The following PRKN variants were observed in gnomAD, a reference collection of about 807,000 sequenced individuals.
PRKN encodes the protein E3 ubiquitin-protein ligase parkin.
Under a neutral mutation model 59.5 loss-of-function variants are expected in PRKN, and 56 were observed. That is an observed-to-expected ratio of 0.94 (90% CI 0.76 to 1.18). The LOEUF (loss-of-function observed/expected upper bound fraction) is 1.18. Among genes scored for constraint, PRKN ranks in the 50% most tolerant of loss-of-function variants. The pLI is 0.00. For missense variants in PRKN, 657 were observed against 596.4 expected, an observed-to-expected ratio of 1.10 and a Z score of -1.06; for synonymous variants, 250 against 222.1, an observed-to-expected ratio of 1.13 and a Z score of -1.12.
chr6:162,249,654 G>C (rs940647777), intron 3 of PRKN, among the ~76,000 whole-genome samples: 1 of 151,594 alleles, frequency 6.6e-6, no homozygotes, highest in Non-Finnish European at 1.5e-5. Flanking sequence ...TCAAATCTAA[G>C]ATTCCTTAAA....
intron 2 of PRKN, among the ~76,000 whole-genome samples, chr6:162,294,941 T>G (rs1313765781): frequency 6.6e-6 from 1 of 152,196 alleles, no homozygotes; most frequent in Non-Finnish European, 1.5e-5. Context: ...GGATCTGGGT[T>G]GTGCTTCCTC....
At chr6:161,897,946 G>A (rs936218002) in intron 6 of PRKN, among the ~76,000 whole-genome samples, 19 of 51,120 alleles carry the variant, frequency 3.7e-4, no homozygotes, top group African/African-American at 8.3e-4. Flanking sequence ...CAGCCTGGGT[G>A]ACAGAGCGAG....
chr6:161,707,249 T>C (rs536296101), intron 7 of PRKN, among the ~76,000 whole-genome samples: 1 of 150,954 alleles, frequency 6.6e-6, no homozygotes, highest in African/African-American at 2.4e-5. Flanking sequence ...GGAAGGTTGG[T>C]TACATTTAAT....
chr6:162,634,867 C>T (rs1005344860), intron 1 of PRKN, among the ~76,000 whole-genome samples: 9 of 152,166 alleles, frequency 5.9e-5, no homozygotes, highest in East Asian at 1.9e-4. Flanking sequence ...CATGATCCAT[C>T]GGCCCCGGCC....
At chr6:161,997,229 C>T (rs765598309) in intron 5 of PRKN, among the ~76,000 whole-genome samples, 18 of 151,838 alleles carry the variant, frequency 1.2e-4, no homozygotes, top group South Asian at 2.1e-4. Flanking sequence ...GTGACTTCTG[C>T]GAAAAAATTT....
At chr6:161,979,016 C>T (rs548768367) in intron 5 of PRKN, among the ~76,000 whole-genome samples, 63 of 152,246 alleles carry the variant, frequency 4.1e-4, no homozygotes, top group African/African-American at 1.3e-3. Flanking sequence ...ACAGATAAAT[C>T]AGCTACAGAA....
chr6:162,715,970 G>A (rs1778704906), intron 1 of PRKN, among the ~76,000 whole-genome samples: 1 of 152,180 alleles, frequency 6.6e-6, no homozygotes, highest in Non-Finnish European at 1.5e-5. Flanking sequence ...ATCACACAAT[G>A]AAGCGTACCT....
chr6:162,065,554 CT>C (rs76912779), intron 4 of PRKN, among the ~76,000 whole-genome samples: 2,627 of 142,480 alleles, frequency 0.018, 14 homozygotes, highest in Middle Eastern at 0.04. Context: ...TTTTCTTTTT[CT>C]TTTTTTTTTT....
intron 5 of PRKN, among the ~76,000 whole-genome samples, chr6:161,980,856 T>C (rs966812814): frequency 6.6e-6 from 1 of 152,208 alleles, no homozygotes; most frequent in Non-Finnish European, 1.5e-5. Flanking sequence ...ATCAAAATTC[T>C]CCAAGTGTCA....
intron 3 of PRKN, among the ~76,000 whole-genome samples, chr6:162,245,656 G>A (rs898112986): frequency 2.0e-5 from 3 of 152,134 alleles, no homozygotes; most frequent in African/African-American, 7.2e-5. Flanking sequence ...AATAGTTCCT[G>A]AAGTCAGACA....
At chr6:162,024,194 CTTTTTTT>C (rs111595639) in intron 5 of PRKN, among the ~76,000 whole-genome samples, 14 of 82,064 alleles carry the variant, frequency 1.7e-4, no homozygotes, top group Admixed American at 5.7e-4. Context: ...TCCCCCAACC[CTTTTTTT>C]TTTTTTTTTT....
intron 2 of PRKN, among the ~76,000 whole-genome samples, chr6:162,439,486 T>A (rs774452283): frequency 6.6e-5 from 10 of 152,040 alleles, no homozygotes; most frequent in Non-Finnish European, 1.5e-4. Context: ...AAAAGAAAAC[T>A]CAAGAAATTC....
intron 1 of PRKN, among the ~76,000 whole-genome samples, chr6:162,478,649 G>T (rs1338461489): frequency 6.6e-6 from 1 of 152,146 alleles, no homozygotes; most frequent in Admixed American, 6.5e-5. Context: ...TGCGTTGTTA[G>T]GGGATTTTGT....
chr6:161,731,591 G>T (rs1300257840), intron 7 of PRKN, among the ~76,000 whole-genome samples: 2 of 152,176 alleles, frequency 1.3e-5, no homozygotes, highest in South Asian at 2.1e-4. Context: ...TCTAATAAAA[G>T]TTGTAAAGGC....
At chr6:162,695,370 A>C (rs774082056) in intron 1 of PRKN, among the ~76,000 whole-genome samples, 57 of 152,268 alleles carry the variant, frequency 3.7e-4, no homozygotes, top group Middle Eastern at 3.4e-3. Flanking sequence ...ATCATTAAGA[A>C]AATCTAAAAT....
intron 2 of PRKN, 37 bp from the exon 3 acceptor site, chr6:162,262,802 A>C: frequency 6.4e-7 from 1 of 1,574,236 alleles, no homozygotes. Context: ...AAAAAAAAAA[A>C]AGGAAATGTC....
chr6:162,660,671 C>T (rs960283294), intron 1 of PRKN, among the ~76,000 whole-genome samples: 3 of 152,076 alleles, frequency 2.0e-5, no homozygotes, highest in Non-Finnish European at 4.4e-5. Context: ...ACTCATTGGT[C>T]CTTCTATCAC....
rs188260145 is a variant in PRKN at position 161,400,081 on chromosome 6, G to A, written c.1084-13204C>T. 1.2e-4 allele frequency among the ~76,000 whole-genome samples: 18 copies of A among 152,124 alleles called. 1 individual carries two copies. Among genetic ancestry groups the A allele is most frequent in the Admixed American group, 7.2e-4 (11 of 15,288 alleles). On this transcript the variant is annotated intron_variant, in intron 9 of 11. Transcript: ENST00000366898. The surrounding 1 kb of genome is among the most constrained non-coding windows in gnomAD (Gnocchi z 4.2). ...TATTCTATGGGCTCAGGAGCCTCAC[G>A]TGGGCACCATGTTGGACAGGAGCCT...
rs35013267 is a variant in PRKN, at chr6:161,371,170, AT to A, written c.1168-10966del. 0.27 allele frequency among the ~76,000 whole-genome samples: 40,265 copies of A among 149,170 alleles called. 5,525 individuals are homozygous for A. Among genetic ancestry groups the A allele is most frequent in the Middle Eastern group, 0.32 (89 of 282 alleles). On this transcript the variant is annotated intron_variant, in intron 10 of 11. Coordinates refer to ENST00000366898, the MANE Select transcript of PRKN (RefSeq NM_004562.3). The surrounding 1 kb of genome is among the most constrained non-coding windows in gnomAD (Gnocchi z 5.5). ...TGTATATATTTAAATGTATTTTGTTATTTTTTTTTTTGAGACGTTGTTTCGC... is the reference window on the plus strand; with the variant it reads ...TGTATATATTTAAATGTATTTTGTTATTTTTTTTTTGAGACGTTGTTTCGC...
Sources: allele counts gnomAD v4.1 joint callset (sites outside exome capture counted in the v4.1 genomes callset), GRCh38; gene constraint gnomAD v4.1.1; non-coding constraint Gnocchi (gnomAD v3.1); transcripts MANE v1.5; gene names NCBI Gene and HGNC (gene_info 2026-07-23, HGNC 2026-07-21).